The following TNFRSF19 variants were observed in gnomAD, a reference collection of about 807,000 sequenced individuals.
The protein encoded by TNFRSF19 is tumor necrosis factor receptor superfamily member 19.
In TNFRSF19, 27 loss-of-function variants were observed where a neutral mutation model predicts 46.4. The observed-to-expected ratio is 0.58, with a 90% confidence interval of 0.43 to 0.80. The LOEUF is 0.80. Among genes scored for constraint, TNFRSF19 ranks in the 30% least tolerant of loss-of-function variants. The pLI is 0.00. For missense variants in TNFRSF19, 511 were observed against 530.8 expected (o/e 0.96, Z 0.37); for synonymous variants, 204 against 205.0 (o/e 1.00, Z 0.04).
In TNFRSF19 at chr13:23,590,122, T is replaced by G. The variant is rs540345762; in HGVS notation, c.-34-28T>G. ...GCACAGTCACTGATGTTTTTAATAT[T>G]AACTGCATCTTCCTATCTTTTATTT... On this transcript the variant is annotated intron_variant, in intron 1 of 9. Transcript: ENST00000248484. The G allele has an allele frequency of 2.8e-5, 32 of 1,153,498 alleles. No individual in the cohort carries two copies. The South Asian group carries it at 4.2e-4, about 15-fold the overall frequency. The allele number at this position is 1,153,498 out of a possible 1,614,324, so 71.5% of individuals were successfully genotyped here. A position where few individuals can be genotyped will look rare whatever the true frequency, so the allele number is the denominator to read the frequency against.
At chr13:23,583,091 A>G (rs151051062) in intron 1 of TNFRSF19, among the ~76,000 whole-genome samples, 137 of 152,360 alleles carry the variant, frequency 9.0e-4, no homozygotes, top group African/African-American at 2.9e-3. Context: ...TCTAGGTGTT[A>G]TTAAAGGTGT....
rs975146984 is a variant in TNFRSF19 at position 23,659,387 on chromosome 13, G to C, written c.610+173G>C. On this transcript the variant is annotated intron_variant, in intron 6 of 9. Transcript: ENST00000248484. This position sits in a 1 kb window ranked among gnomAD's most constrained non-coding sequence, Gnocchi z 4.9. ...TGAACAGCAGAGGGCTAGGAGAGCA[G>C]TTAAGAATCCACACGTCAGTGTTGA... Among the ~76,000 whole-genome samples, 5 of 152,240 alleles carry C rather than the reference G, an allele frequency of 3.3e-5. No homozygotes were observed. Among genetic ancestry groups the C allele is most frequent in the African/African-American group, 1.2e-4 (5 of 41,474 alleles).
chr13:23,608,841 T>C (rs953640990), intron 3 of TNFRSF19, among the ~76,000 whole-genome samples: 3 of 152,228 alleles, frequency 2.0e-5, no homozygotes, highest in African/African-American at 7.2e-5. Context: ...CATATTGACC[T>C]AACGCACATG....
At position 23,668,680 on chromosome 13, in the gene TNFRSF19, A is replaced by C. The variant is rs138384602; in HGVS notation, c.840-12A>C. ...CATCAAAAACTTTAAGTTCTTTTGAACGTGTGTGCAGAAACGCAGGCCCAG... is the reference window on the plus strand; with the variant it reads ...CATCAAAAACTTTAAGTTCTTTTGACCGTGTGTGCAGAAACGCAGGCCCAG... On this transcript the variant is annotated splice_polypyrimidine_tract_variant and intron_variant, in intron 8 of 9. Transcript: ENST00000248484. 6.2e-7 allele frequency: 1 copy of C among 1,600,242 alleles called. No homozygotes were observed. Among genetic ancestry groups the C allele is most frequent in the East Asian group, 2.2e-5 (1 of 44,782 alleles).
At chr13:23,639,574 G>A (rs1882906888) in intron 5 of TNFRSF19, among the ~76,000 whole-genome samples, 1 of 152,190 alleles carries the variant, frequency 6.6e-6, no homozygotes, top group Non-Finnish European at 1.5e-5. Flanking sequence ...ACCAGTGTTA[G>A]GAGCAGACTA....
chr13:23,617,703 G>C (rs1447156586), intron 4 of TNFRSF19, among the ~76,000 whole-genome samples: 1 of 152,222 alleles, frequency 6.6e-6, no homozygotes, highest in Non-Finnish European at 1.5e-5. Context: ...TTTATTACTT[G>C]CAATGTACCA....
chr13:23,673,365 G>A lies in TNFRSF19; in HGVS notation c.1246-7G>A. On this transcript the variant is annotated splice_polypyrimidine_tract_variant and splice_region_variant and intron_variant, in intron 9 of 9. Transcript: ENST00000248484. ...TTTCTAAAGCTTCCTTTCTGTTGCT[G>A]TTTTAGGAAGCTTAAAGAACCTGCT... The A allele has an allele frequency of 6.2e-7, 1 of 1,602,636 alleles. No individual in the cohort carries two copies. The highest frequency in any genetic ancestry group is 8.5e-7 in the Non-Finnish European group (1 of 1,173,410).
chr13:23,600,803 C>T (rs1459098480), intron 3 of TNFRSF19, among the ~76,000 whole-genome samples: 2 of 152,126 alleles, frequency 1.3e-5, no homozygotes, highest in South Asian at 2.1e-4. Context: ...GGAAAGCTGC[C>T]CTTTCCTTCA....
intron 2 of TNFRSF19, among the ~76,000 whole-genome samples, chr13:23,592,770 G>A (rs1330092070): frequency 6.6e-6 from 1 of 152,188 alleles, no homozygotes; most frequent in Non-Finnish European, 1.5e-5. Flanking sequence ...GTTGAAAAGG[G>A]TTGAAACTTC....
intron 1 of TNFRSF19, among the ~76,000 whole-genome samples, chr13:23,589,457 G>C (rs3829350): frequency 0.25 from 37,990 of 152,102 alleles, 5,332 homozygotes; most frequent in African/African-American, 0.37. Context: ...AATATTGTCT[G>C]TCTGCTTCTT....
intron 4 of TNFRSF19, among the ~76,000 whole-genome samples, chr13:23,624,906 A>G (rs1881894152): frequency 6.6e-6 from 1 of 151,874 alleles, no homozygotes; most frequent in Admixed American, 6.6e-5. Context: ...GCCCACCACC[A>G]TGCCCAGCTA....
chr13:23,573,467 G>A (rs565875506), intron 1 of TNFRSF19, among the ~76,000 whole-genome samples: 1 of 135,490 alleles, frequency 7.4e-6, no homozygotes, highest in South Asian at 2.4e-4. Flanking sequence ...AATTATATAT[G>A]TATTTGTGTG....
intron 5 of TNFRSF19, among the ~76,000 whole-genome samples, chr13:23,654,905 G>A (rs1883881202): frequency 6.6e-6 from 1 of 152,198 alleles, no homozygotes; most frequent in Non-Finnish European, 1.5e-5. Context: ...AGAAGCTAGT[G>A]TCCATGTTTT....
At chr13:23,627,410 A>G (rs1208402238) in intron 5 of TNFRSF19, among the ~76,000 whole-genome samples, 1 of 152,148 alleles carries the variant, frequency 6.6e-6, no homozygotes, top group East Asian at 1.9e-4. Flanking sequence ...TTGACTATGT[A>G]TTTTGTGTAG....
intron 3 of TNFRSF19, among the ~76,000 whole-genome samples, chr13:23,603,725 T>C (rs542020642): frequency 3.3e-5 from 5 of 152,054 alleles, no homozygotes; most frequent in East Asian, 1.9e-4. Flanking sequence ...AAATCACATA[T>C]AGCAGTAAGT....
intron 1 of TNFRSF19, among the ~76,000 whole-genome samples, chr13:23,586,009 G>C (rs1003297931): frequency 6.6e-6 from 1 of 151,966 alleles, no homozygotes; most frequent in East Asian, 1.9e-4. Flanking sequence ...GGTGGCTCAC[G>C]CCTGTAATCC....
At chr13:23,645,541 C>T (rs1324194360) in intron 5 of TNFRSF19, among the ~76,000 whole-genome samples, 3 of 152,206 alleles carry the variant, frequency 2.0e-5, no homozygotes, top group Non-Finnish European at 4.4e-5. Flanking sequence ...AGAATTCATC[C>T]CGCAAAGCCT....
intron 3 of TNFRSF19, among the ~76,000 whole-genome samples, chr13:23,613,090 C>A (rs1286890917): frequency 1.3e-5 from 2 of 152,158 alleles, no homozygotes; most frequent in African/African-American, 4.8e-5. Context: ...ATAAAAATGT[C>A]TTAGATGGAA....
chr13:23,647,255 C>T (rs1181291086), intron 5 of TNFRSF19, among the ~76,000 whole-genome samples: 1 of 151,972 alleles, frequency 6.6e-6, no homozygotes, highest in Non-Finnish European at 1.5e-5. Flanking sequence ...TTGATGGTGT[C>T]CTTTAAAGCA....
Sources: gnomAD v4.1 joint callset for allele counts (sites outside exome capture counted in the v4.1 genomes callset) on GRCh38, gnomAD v4.1.1 for gene constraint, Gnocchi (gnomAD v3.1) non-coding constraint, MANE v1.5 for transcripts, NCBI Gene and HGNC (gene_info 2026-07-23, HGNC 2026-07-21) for gene names.